EVC2: variants seen among roughly 807,000 people sequenced by gnomAD.
EVC2 encodes limbin.
In EVC2, 148 loss-of-function variants were observed where a neutral mutation model predicts 149.3. The observed-to-expected ratio is 0.99, with a 90% CI of 0.87 to 1.14. The LOEUF (loss-of-function observed/expected upper bound fraction) is 1.14, where lower values mean the gene tolerates loss of function less well. Among genes scored for constraint, EVC2 ranks in the 50% most tolerant of loss-of-function variants. The pLI, the probability that EVC2 is intolerant of heterozygous loss-of-function variation, is 0.00. For missense variants in EVC2, 1,854 were observed against 1,627.3 expected (o/e 1.14, Z -2.40); for synonymous variants, 776 against 649.9 (o/e 1.19, Z -2.95).
At chr4:5,599,725 A>G (rs2108808843) in intron 16 of EVC2, among the ~76,000 whole-genome samples, 1 of 152,348 alleles carries the variant, frequency 6.6e-6, no homozygotes, top group East Asian at 1.9e-4. Flanking sequence ...GCATAATAAA[A>G]TAAAATAAAA....
intron 4 of EVC2, among the ~76,000 whole-genome samples, chr4:5,690,096 AGTG>A (rs1721008856): frequency 6.6e-6 from 1 of 152,258 alleles, no homozygotes; most frequent in Admixed American, 6.5e-5. Flanking sequence ...TGTGAAAAAA[AGTG>A]GGGGAGAAAG....
chr4:5,704,705 TTTG>T (rs919057792), intron 1 of EVC2, among the ~76,000 whole-genome samples: 1 of 151,946 alleles, frequency 6.6e-6, no homozygotes, highest in Non-Finnish European at 1.5e-5. Context: ...GAAGTTTTGT[TTTG>T]TTGTTGTTGT....
At chr4:5,663,916 G>C (rs920882440) in intron 8 of EVC2, among the ~76,000 whole-genome samples, 2 of 152,048 alleles carry the variant, frequency 1.3e-5, no homozygotes, top group African/African-American at 4.8e-5. Flanking sequence ...GTGAGACTCT[G>C]TCTCAAAAAA....
intron 9 of EVC2, among the ~76,000 whole-genome samples, chr4:5,652,763 T>C (rs1560198042): frequency 2.0e-5 from 3 of 152,204 alleles, no homozygotes; most frequent in African/African-American, 7.2e-5. Context: ...TCTCAAACTA[T>C]TAAGCATCAG....
chr4:5,668,068 G>A (rs1719390000), intron 7 of EVC2, among the ~76,000 whole-genome samples: 1 of 152,194 alleles, frequency 6.6e-6, no homozygotes, highest in East Asian at 1.9e-4. Flanking sequence ...CTCTGCATCA[G>A]CATCTGTCTC....
intron 3 of EVC2, among the ~76,000 whole-genome samples, chr4:5,692,373 A>T (rs571739424): frequency 4.6e-4 from 70 of 152,234 alleles, no homozygotes; most frequent in African/African-American, 1.6e-3. Flanking sequence ...CAGGCATGGC[A>T]GCCATCACTT....
At chr4:5,593,710 C>T (rs1411131791) in intron 16 of EVC2, among the ~76,000 whole-genome samples, 1 of 152,146 alleles carries the variant, frequency 6.6e-6, no homozygotes, top group African/African-American at 2.4e-5. Context: ...GAGTGCCAGA[C>T]ACTGGGCGCA....
chr4:5,637,809 T>TC lies in EVC2; in HGVS notation c.1470+2704_1470+2705insG, dbSNP rs1201146603. On this transcript the variant is annotated intron_variant, in intron 10 of 21. Coordinates refer to ENST00000344408, the MANE Select transcript of EVC2 (RefSeq NM_147127.5). This position sits in a 1 kb window ranked among gnomAD's most constrained non-coding sequence, Gnocchi z 4.4. ...TGAGTTGTGGGATGGGCTTCTCTCTTTTTTTTTTTTTTCAGGGCTTTTTCT... is the reference window on the plus strand; with the variant it reads ...TGAGTTGTGGGATGGGCTTCTCTCTTCTTTTTTTTTTTTCAGGGCTTTTTCT... Among the ~76,000 whole-genome samples, 1 of 147,184 alleles carries TC rather than the reference T, an allele frequency of 6.8e-6. No individual in the cohort carries two copies. The highest frequency in any genetic ancestry group is 6.8e-5 in the Admixed American group (1 of 14,680).
chr4:5,615,519 C>T lies in EVC2; in HGVS notation c.2732G>A (p.Arg911Gln), dbSNP rs767317898. 19 of 1,614,054 alleles carry T rather than the reference C, an allele frequency of 1.2e-5. No homozygotes were observed. The highest frequency in any genetic ancestry group is 1.6e-4 in the Middle Eastern group (1 of 6,084). Residue 911 changes from arginine (R) to glutamine (Q), a missense_variant, in exon 16 of 22, where the codon CGG (arginine) becomes CAG (glutamine). Coordinates refer to ENST00000344408, the MANE Select transcript of EVC2 (RefSeq NM_147127.5). ...CTCTCCCTTGCTTTTACTCTTGGACCGTGACTTTCTCACCTTGGACTGTTG... is the reference window on the plus strand; with the variant it reads ...CTCTCCCTTGCTTTTACTCTTGGACTGTGACTTTCTCACCTTGGACTGTTG... ...LQQQSKVRKS[R>Q]SKSKSKGELL...
At chr4:5,658,607 C>T (rs1262648670) in intron 9 of EVC2, among the ~76,000 whole-genome samples, 2 of 152,184 alleles carry the variant, frequency 1.3e-5, no homozygotes, top group African/African-American at 2.4e-5. Context: ...TAGGTCTGAA[C>T]TTCTTTTTTT....
At chr4:5,603,652 T>C (rs1316368746) in intron 16 of EVC2, among the ~76,000 whole-genome samples, 1 of 152,186 alleles carries the variant, frequency 6.6e-6, no homozygotes, top group Non-Finnish European at 1.5e-5. Context: ...CACTTCTGAA[T>C]GAAGGCATTT....
At position 5,572,880 on chromosome 4, in the gene EVC2, C is replaced by T. The variant is rs566513109; in HGVS notation, c.3360+1805G>A. ...GCCGGGGTGGTCATCTGCTTCAGATCCTTTACAGTCGGTCAGGAAGAGCAG... is the reference window on the plus strand; with the variant it reads ...GCCGGGGTGGTCATCTGCTTCAGATTCTTTACAGTCGGTCAGGAAGAGCAG... On this transcript the variant is annotated intron_variant, in intron 19 of 21. Coordinates refer to ENST00000344408, the MANE Select transcript of EVC2 (RefSeq NM_147127.5). 2.0e-5 allele frequency among the ~76,000 whole-genome samples: 3 copies of T among 152,212 alleles called. No homozygotes were observed. In the East Asian group the frequency reaches 5.8e-4, roughly 30 times the overall value.
the EVC2 span, among the ~76,000 whole-genome samples, chr4:5,535,601 A>AAGAGAGAGAG: frequency 0.016 from 1,920 of 118,174 alleles, 35 homozygotes; most frequent in East Asian, 0.074. This position sits in a 1 kb window ranked among gnomAD's most constrained non-coding sequence, Gnocchi z 4.7. Context: ...CATGCTTAGA[A>AAGAGAGAGAG]AGAGAGAGAG....
intron 10 of EVC2, among the ~76,000 whole-genome samples, chr4:5,634,876 G>A (rs1448187803): frequency 5.3e-5 from 8 of 152,080 alleles, no homozygotes; most frequent in Admixed American, 5.2e-4. Flanking sequence ...AGTGCAAAGA[G>A]CACGCCCTGC....
At chr4:5,607,747 A>C (rs958343564) in intron 16 of EVC2, among the ~76,000 whole-genome samples, 2 of 152,154 alleles carry the variant, frequency 1.3e-5, no homozygotes, top group Non-Finnish European at 2.9e-5. Flanking sequence ...TGAAAGCAGA[A>C]TGCAAACTTC....
At chr4:5,600,023 A>G (rs1453200545) in intron 16 of EVC2, among the ~76,000 whole-genome samples, 1 of 152,222 alleles carries the variant, frequency 6.6e-6, no homozygotes, top group African/African-American at 2.4e-5. Flanking sequence ...CCTATCATCT[A>G]CATTATCAAA....
At chr4:5,641,088 CAACAAGT>C (rs1396971775) in intron 9 of EVC2, among the ~76,000 whole-genome samples, 1 of 151,988 alleles carries the variant, frequency 6.6e-6, no homozygotes, top group African/African-American at 2.4e-5. Flanking sequence ...ATGTTTCTGT[CAACAAGT>C]AACAAGTCAG....
rs1490416377 is a variant in EVC2, at chr4:5,625,784, A to G, written c.2011T>C (p.Leu671=). 1 of 1,613,920 alleles carries G rather than the reference A, an allele frequency of 6.2e-7. No homozygotes were observed. The highest frequency in any genetic ancestry group is 1.3e-5 in the African/African-American group (1 of 74,870). Residue 671 remains leucine (L), a synonymous_variant, in exon 13 of 22, where the codon TTA becomes CTA. Transcript: ENST00000344408. This position sits in a 1 kb window ranked among gnomAD's most constrained non-coding sequence, Gnocchi z 4.0. ...AACTCTCGTCTTCTCTTAGTTATTAATTTTTGGTGGAGCTTTTTCTTTTCC... is the reference window on the plus strand; with the variant it reads ...AACTCTCGTCTTCTCTTAGTTATTAGTTTTTGGTGGAGCTTTTTCTTTTCC... ...KQEKKKLHQK[L]ITKRRRELLQ... is the part of the protein sequence containing the mutation.
intron 7 of EVC2, among the ~76,000 whole-genome samples, chr4:5,673,604 A>T (rs763606817): frequency 3.9e-5 from 6 of 152,170 alleles, no homozygotes; most frequent in Admixed American, 6.5e-5. Context: ...TTGTCTCTGG[A>T]AAAGAATCAT....
Sources: gnomAD v4.1 joint callset for allele counts (sites outside exome capture counted in the v4.1 genomes callset) on GRCh38, gnomAD v4.1.1 for gene constraint, Gnocchi (gnomAD v3.1) non-coding constraint, MANE v1.5 for transcripts, NCBI Gene and HGNC (gene_info 2026-07-23, HGNC 2026-07-21) for gene names.